Variants in NBPF20 observed in about 807,000 individuals in gnomAD.
NBPF20 encodes NBPF member 20, also known as NBPF family member NBPF20.
NBPF20 carries 90 observed loss-of-function variants against 68.1 expected under a neutral mutation model. The ratio of observed to expected loss-of-function variants is 1.32; its 90% CI spans 1.11 to 1.58. The LOEUF (loss-of-function observed/expected upper bound fraction) is 1.58, where lower values mean the gene tolerates loss of function less well. NBPF20 is among the 40% of genes most tolerant of loss of function. The pLI is 0.00. For missense variants in NBPF20, 816 were observed against 601.2 expected, an observed-to-expected ratio of 1.36 and a Z score of -3.74; for synonymous variants, 290 against 228.1, an observed-to-expected ratio of 1.27 and a Z score of -2.45.
intron 3 of NBPF20, 60 bp from the exon 9 acceptor site, chr1:145,402,441 T>C (rs1190866247): frequency 7.0e-6 from 11 of 1,581,016 alleles, no homozygotes; most frequent in Non-Finnish European, 8.7e-6. Context: ...CGCTCAAATA[T>C]TGCAACAGAG....
chr1:145,424,696 C>A, the NBPF20 span, among the ~76,000 whole-genome samples: 1 of 152,198 alleles, frequency 6.6e-6, no homozygotes, highest in African/African-American at 2.4e-5. Flanking sequence ...ATGAGAAGAT[C>A]TAACAAGCCA....
chr1:145,405,451 C>A lies in NBPF20; in HGVS notation c.-77G>T, dbSNP rs1232733346. On this transcript the variant is annotated 5_prime_UTR_variant, in exon 1 of 138. Transcript: ENST00000369373. Reference sequence around the variant, plus strand: ...ATCACTCCCCACAGCACTTTAGGATCCTTCACCACAAAAACAAGGTTCAAG... The same window carrying A: ...ATCACTCCCCACAGCACTTTAGGATACTTCACCACAAAAACAAGGTTCAAG... 1.1e-5 allele frequency: 17 copies of A among 1,561,316 alleles called. No individual in the cohort carries two copies. In the African/African-American group the frequency reaches 2.4e-4, roughly 22 times the overall value.
intron 7 of NBPF20, among the ~76,000 whole-genome samples, chr1:145,398,064 G>A: frequency 6.6e-6 from 1 of 152,246 alleles, no homozygotes; most frequent in South Asian, 2.1e-4. Flanking sequence ...GTATACAGGA[G>A]CACCCAGATT....
exon 76 of NBPF20, chr1:145,340,893 C>T: frequency 6.4e-6 from 1 of 157,236 alleles, no homozygotes; most frequent in South Asian, 3.2e-5. Flanking sequence ...TCCAGTGAGT[C>T]CTGCAAGACT....
At chr1:145,396,777 T>C (rs201472928) in intron 7 of NBPF20, among the ~76,000 whole-genome samples, 1 of 150,168 alleles carries the variant, frequency 6.7e-6, no homozygotes, top group Non-Finnish European at 1.5e-5. Flanking sequence ...TATATACAGA[T>C]ATATATAATA....
At position 145,394,856 on chromosome 1, in the gene NBPF20, A is replaced by G. The variant is rs1481508633; in HGVS notation, c.991+122T>C. ...CAGAGTGATTGAAATCTACATTGAT[A>G]TATAGGTTCAGCCCACGGTGATGGC... On this transcript the variant is annotated intron_variant, in intron 8 of 137. Transcript: ENST00000369373. 1.3e-5 allele frequency: 20 copies of G among 1,573,574 alleles called. No individual in the cohort carries two copies. In the African/African-American group the frequency reaches 2.0e-4, roughly 16 times the overall value.
rs1255624761 is a variant in NBPF20, at chr1:145,292,615, T to C, written c.16589-126A>G. 10 of 746,310 alleles carry C rather than the reference T, an allele frequency of 1.3e-5. 1 individual carries two copies. Among genetic ancestry groups the C allele is most frequent in the Middle Eastern group, 3.6e-4 (1 of 2,752 alleles). The allele number at this position is 746,310 out of a possible 1,614,324, so 46.2% of individuals were successfully genotyped here. On this transcript the variant is annotated intron_variant, in intron 136 of 137. Coordinates refer to ENST00000369373, the Ensembl canonical transcript of NBPF20. ...CATAAGAATAGGACACTTTGAGAGA[T>C]ATATTTCAGGAGGCCTGAAGGCTGT...
At chr1:145,417,621 C>CAAAAAAAAAAA in the NBPF20 span, among the ~76,000 whole-genome samples, 1 of 53,172 alleles carries the variant, frequency 1.9e-5, no homozygotes, top group South Asian at 8.1e-4. Flanking sequence ...CAACACAAAG[C>CAAAAAAAAAAA]AAAAAAAAAA....
exon 138 of NBPF20, chr1:145,291,707 C>T (rs782217993): frequency 2.2e-5 from 35 of 1,611,816 alleles, no homozygotes; most frequent in Middle Eastern, 2.2e-4. Flanking sequence ...AGTAGAATAA[C>T]ATCCATCCAG....
chr1:145,307,215 T>A (rs1661423385), intron 118 of NBPF20, among the ~76,000 whole-genome samples: 1 of 27,908 alleles, frequency 3.6e-5, no homozygotes, highest in Non-Finnish European at 5.6e-5. Flanking sequence ...ATTTTTTACA[T>A]CTGCCTGGGT....
chr1:145,296,186 T>G (rs1661315823), intron 132 of NBPF20, 152 bp downstream of exon 137: 1 of 8,630 alleles, frequency 1.2e-4, no homozygotes, highest in African/African-American at 9.2e-4. Context: ...GGCTTCCAAG[T>G]GGAACTAGAG....
At chr1:145,424,848 GCTC>G in the NBPF20 span, among the ~76,000 whole-genome samples, 11 of 152,274 alleles carry the variant, frequency 7.2e-5, no homozygotes, top group South Asian at 2.1e-3. Flanking sequence ...GGCTACAAAT[GCTC>G]CTCATGTGCA....
At chr1:145,410,505 G>C (rs1381612713), upstream of NBPF20, among the ~76,000 whole-genome samples, 1 of 150,496 alleles carries the variant, frequency 6.6e-6, no homozygotes, top group Admixed American at 6.6e-5. Context: ...AGTAGAGACG[G>C]GGTTTCACCG....
At chr1:145,394,731 T>C in intron 8 of NBPF20, among the ~76,000 whole-genome samples, 1 of 151,834 alleles carries the variant, frequency 6.6e-6, no homozygotes, top group Non-Finnish European at 1.5e-5. Context: ...TTGAGTTCAA[T>C]GTCGTGACAA....
chr1:145,292,272 T>G (rs1229173248), intron 137 of NBPF20, 109 bp downstream of exon 142: 2 of 607,246 alleles, frequency 3.3e-6, no homozygotes, highest in African/African-American at 4.1e-5. Flanking sequence ...ACAGTAGGAG[T>G]AATTCAGCCT....
In NBPF20 at chr1:145,394,975, C is replaced by T; in HGVS notation, c.991+3G>A. ...TTTATCACCTTCACAGTGTAGTACT[C>T]ACTGCCTATGTCAACAGCCATGCAG... On this transcript the variant is annotated splice_donor_region_variant and intron_variant, in intron 8 of 137. Coordinates refer to ENST00000369373, the Ensembl canonical transcript of NBPF20. The T allele has an allele frequency of 1.2e-6, 2 of 1,612,010 alleles. No individual in the cohort carries two copies. Among genetic ancestry groups the T allele is most frequent in the Non-Finnish European group, 1.7e-6 (2 of 1,179,834 alleles).
At chr1:145,291,992 G>A (rs1294239475) in intron 137 of NBPF20, among the ~76,000 whole-genome samples, 2 of 150,120 alleles carry the variant, frequency 1.3e-5, no homozygotes, top group Admixed American at 1.3e-4. Flanking sequence ...GACAGAGAGA[G>A]AGAGAAAGTG....
chr1:145,412,285 C>G, the NBPF20 span, among the ~76,000 whole-genome samples: 1 of 151,972 alleles, frequency 6.6e-6, no homozygotes, highest in Non-Finnish European at 1.5e-5. Context: ...TATCCTAAGG[C>G]GTCCAGTTGA....
At chr1:145,403,554 T>C (rs1403891229) in intron 2 of NBPF20, among the ~76,000 whole-genome samples, 16 of 152,388 alleles carry the variant, frequency 1.0e-4, no homozygotes, top group African/African-American at 3.8e-4. Flanking sequence ...GTTGACAAGA[T>C]GATTCAACCA....
Sources: allele counts gnomAD v4.1 joint callset (sites outside exome capture counted in the v4.1 genomes callset), GRCh38; gene constraint gnomAD v4.1.1; transcripts MANE v1.5; gene names NCBI Gene and HGNC (gene_info 2026-07-23, HGNC 2026-07-21).